SLC1A1: variants seen among roughly 807,000 people sequenced by gnomAD.
SLC1A1 encodes solute carrier family 1 member 1.
SLC1A1 carries 43 observed loss-of-function variants against 53.3 expected under a neutral mutation model. The ratio of observed to expected loss-of-function variants is 0.81; its 90% confidence interval spans 0.63 to 1.04. The LOEUF (loss-of-function observed/expected upper bound fraction) is 1.04. Among genes scored for constraint, SLC1A1 ranks in the 50% least tolerant of loss-of-function variants. The probability of loss-of-function intolerance (pLI) is 0.00; values close to 1 mark genes in which losing one functional copy is unlikely to be tolerated. For synonymous variants in SLC1A1, 307 were observed against 243.2 expected, an observed-to-expected ratio of 1.26 and a Z score of -2.44; for missense variants, 748 against 664.9, an observed-to-expected ratio of 1.12 and a Z score of -1.37.
chr9:4,562,455 A>T (rs1819048700), intron 3 of SLC1A1, among the ~76,000 whole-genome samples: 1 of 152,160 alleles, frequency 6.6e-6, no homozygotes, highest in South Asian at 2.1e-4. Flanking sequence ...GAAATATAGC[A>T]TTTTAGTGCA....
At chr9:4,566,574 G>A (rs369347082) in intron 5 of SLC1A1, among the ~76,000 whole-genome samples, 12 of 152,216 alleles carry the variant, frequency 7.9e-5, no homozygotes, top group Middle Eastern at 3.4e-3. Flanking sequence ...CCAGAGAGGC[G>A]TGGAAGCTCA....
chr9:4,497,988 T>C (rs1820497071), intron 1 of SLC1A1, among the ~76,000 whole-genome samples: 1 of 152,134 alleles, frequency 6.6e-6, no homozygotes, highest in Admixed American at 6.6e-5. Context: ...AAAACAAAAG[T>C]CTGAAATTGA....
chr9:4,583,085 C>G lies in SLC1A1; in HGVS notation c.1241C>G (p.Ala414Gly), dbSNP rs1821254049. Residue 414 changes from alanine to glycine, a missense_variant, in exon 11 of 12, where the codon GCT (alanine) becomes GGT (glycine). Coordinates refer to ENST00000262352, the MANE Select transcript of SLC1A1 (RefSeq NM_004170.6). This position sits in a 1 kb window ranked among gnomAD's most constrained non-coding sequence, Gnocchi z 4.6. ...ASIGAAGVPQ[A>G]GLVTMVIVLS... ...ATCGGAGCTGCTGGCGTGCCCCAGG[C>G]TGGCCTGGTGACCATGGTGATTGTG... 1 of 1,614,256 alleles carries G rather than the reference C, an allele frequency of 6.2e-7. No individual in the cohort carries two copies.
intron 10 of SLC1A1, among the ~76,000 whole-genome samples, chr9:4,577,831 G>T (rs995115868): frequency 2.6e-5 from 4 of 152,154 alleles, no homozygotes; most frequent in African/African-American, 7.2e-5. Context: ...ATGGGAGCAG[G>T]GACCAAATCT....
At chr9:4,553,089 G>C (rs190517430) in intron 2 of SLC1A1, among the ~76,000 whole-genome samples, 340 of 152,224 alleles carry the variant, frequency 2.2e-3, no homozygotes, top group Non-Finnish European at 2.6e-3. Flanking sequence ...GTCATATTTA[G>C]GTTGTGGCAA....
In SLC1A1 at chr9:4,572,164, T is replaced by A. The variant is rs760252195; in HGVS notation, c.583-40T>A. 3.9e-6 allele frequency: 6 copies of A among 1,545,190 alleles called. No individual in the cohort carries two copies. The African/African-American group carries it at 4.1e-5, about 10-fold the overall frequency. Reference sequence around the variant, plus strand: ...GGACCTGTGCTTTCTAACAAGATTATAATCGTGCATCAATATGTTTTCTTG... The same window carrying A: ...GGACCTGTGCTTTCTAACAAGATTAAAATCGTGCATCAATATGTTTTCTTG... On this transcript the variant is annotated intron_variant, in intron 6 of 11. Coordinates refer to ENST00000262352, the MANE Select transcript of SLC1A1 (RefSeq NM_004170.6).
chr9:4,559,726 G>C (rs1308804105), intron 2 of SLC1A1: 2 of 152,136 alleles, frequency 1.3e-5, no homozygotes, highest in African/African-American at 4.8e-5. Context: ...CATGCGTGTT[G>C]AATATGCAAA....
At position 4,583,883 on chromosome 9, in the gene SLC1A1, C is replaced by CTCTCTCTCTCTCTCTT. The variant is rs1491455211; in HGVS notation, c.1328+711_1328+712insTCTCTCTCTCTCTCTT. ...TCTCTCTCTCTCTCTCTCTCTCTCT[C>CTCTCTCTCTCTCTCTT]ACACACACACACACACACACACACA... On this transcript the variant is annotated intron_variant, in intron 11 of 11. Transcript: ENST00000262352. This position sits in a 1 kb window ranked among gnomAD's most constrained non-coding sequence, Gnocchi z 4.6. Among the ~76,000 whole-genome samples, 2 of 60,274 alleles carry CTCTCTCTCTCTCTCTT rather than the reference C, an allele frequency of 3.3e-5. No individual in the cohort carries two copies. Among genetic ancestry groups the CTCTCTCTCTCTCTCTT allele is most frequent in the Admixed American group, 2.9e-4 (2 of 6,802 alleles). 39.5% of individuals were successfully genotyped at this position (60,274 alleles called of 152,430 possible).
rs578189584 is a variant in SLC1A1, at chr9:4,570,413, C to A, written c.583-1791C>A. Among the ~76,000 whole-genome samples, 7 of 152,066 alleles carry A rather than the reference C, an allele frequency of 4.6e-5. No homozygotes were observed. In the South Asian group the frequency reaches 8.3e-4, roughly 18 times the overall value. On this transcript the variant is annotated intron_variant, in intron 6 of 11. Transcript: ENST00000262352. Reference sequence around the variant, plus strand: ...TTGAGATGGAGTCTGACTCTATCGCCCAGGCTGGAGTGCAGTGGCGTGACC... The same window carrying A: ...TTGAGATGGAGTCTGACTCTATCGCACAGGCTGGAGTGCAGTGGCGTGACC...
At chr9:4,581,675 G>C (rs1244769896) in intron 10 of SLC1A1, among the ~76,000 whole-genome samples, 2 of 152,220 alleles carry the variant, frequency 1.3e-5, no homozygotes, top group African/African-American at 4.8e-5. Flanking sequence ...TTTCCAAAGA[G>C]TACTTAGGTC....
chr9:4,507,804 C>T (rs2130809078), intron 1 of SLC1A1, among the ~76,000 whole-genome samples: 1 of 152,198 alleles, frequency 6.6e-6, no homozygotes, highest in South Asian at 2.1e-4. Flanking sequence ...TCCCAGAGGT[C>T]GATCTGATCT....
chr9:4,563,921 C>CTG (rs143953672), intron 3 of SLC1A1, among the ~76,000 whole-genome samples: 5,524 of 152,180 alleles, frequency 0.036, 342 homozygotes, highest in African/African-American at 0.13. Flanking sequence ...TAACCAGCAT[C>CTG]TGGGTAAAAG....
At chr9:4,514,766 C>G (rs1249441441) in intron 1 of SLC1A1, among the ~76,000 whole-genome samples, 1 of 152,082 alleles carries the variant, frequency 6.6e-6, no homozygotes, top group Non-Finnish European at 1.5e-5. Flanking sequence ...AAAGATAGCT[C>G]TGACTTAGTT....
At chr9:4,531,236 C>T (rs1053264217) in intron 1 of SLC1A1, among the ~76,000 whole-genome samples, 3 of 152,158 alleles carry the variant, frequency 2.0e-5, no homozygotes, top group Admixed American at 1.3e-4. Flanking sequence ...GTGCACCGTG[C>T]GTGAGCCGAA....
chr9:4,541,434 C>T (rs1174517297), intron 1 of SLC1A1, among the ~76,000 whole-genome samples: 3 of 152,170 alleles, frequency 2.0e-5, no homozygotes, highest in Non-Finnish European at 4.4e-5. Context: ...AGCTTGTTTT[C>T]GTTTCCTTTC....
chr9:4,567,424 T>C (rs1273725714), intron 5 of SLC1A1, among the ~76,000 whole-genome samples: 2 of 152,202 alleles, frequency 1.3e-5, no homozygotes, highest in African/African-American at 4.8e-5. Flanking sequence ...ATTGTGAAAG[T>C]GAAGGAACAT....
At chr9:4,512,776 T>G (rs1821040767) in intron 1 of SLC1A1, among the ~76,000 whole-genome samples, 1 of 152,020 alleles carries the variant, frequency 6.6e-6, no homozygotes, top group Non-Finnish European at 1.5e-5. Context: ...TTATTTTTTT[T>G]TAAATTGAGA....
intron 1 of SLC1A1, among the ~76,000 whole-genome samples, chr9:4,510,004 T>A (rs765732328): frequency 1.1e-4 from 16 of 152,152 alleles, no homozygotes; most frequent in Non-Finnish European, 1.8e-4. Context: ...TGGCTAATTT[T>A]TTCATTTTTA....
chr9:4,541,343 A>C (rs1586733727), intron 1 of SLC1A1, among the ~76,000 whole-genome samples: 1 of 152,224 alleles, frequency 6.6e-6, no homozygotes, highest in Admixed American at 6.5e-5. Flanking sequence ...GCAAACAAAG[A>C]AGTTTAGTAG....
Sources: gnomAD v4.1 joint callset for allele counts (sites outside exome capture counted in the v4.1 genomes callset) on GRCh38, gnomAD v4.1.1 for gene constraint, Gnocchi (gnomAD v3.1) non-coding constraint, MANE v1.5 for transcripts, NCBI Gene and HGNC (gene_info 2026-07-23, HGNC 2026-07-21) for gene names.